Variants in GRIA3 observed in about 807,000 individuals in gnomAD.
GRIA3 encodes glutamate ionotropic receptor AMPA type subunit 3, also known as glutamate receptor 3.
Under a neutral mutation model 63.0 loss-of-function variants are expected in GRIA3, and 3 were observed. That is an observed-to-expected ratio of 0.05 (90% CI 0.02 to 0.12). The LOEUF is 0.12. Among genes scored for constraint, GRIA3 ranks in the 10% least tolerant of loss-of-function variants. GRIA3 has a pLI of 1.00. For missense variants in GRIA3, 347 were observed against 700.9 expected (o/e 0.50, Z 5.70); for synonymous variants, 274 against 257.9 (o/e 1.06, Z -0.60).
At chrX:123,185,508 A>AGGGGGGGGGGGGGGGGGGGGGG (rs3216834) in intron 1 of GRIA3, among the ~76,000 whole-genome samples, 1 of 40,964 alleles carries the variant, frequency 2.4e-5, no homozygotes, top group African/African-American at 7.2e-5. Context: ...CGGGGGGCGG[A>AGGGGGGGGGGGGGGGGGGGGGG]GGGGGGGGGC....
chrX:123,306,387 T>C (rs773290340), intron 3 of GRIA3, among the ~76,000 whole-genome samples: 1 of 111,915 alleles, frequency 8.9e-6, no homozygotes, highest in South Asian at 3.8e-4. Context: ...AATTAACATT[T>C]AGTGAGTACC....
chrX:123,194,923 G>C (rs1421713930), intron 2 of GRIA3, among the ~76,000 whole-genome samples: 2 of 112,572 alleles, frequency 1.8e-5, no homozygotes, highest in African/African-American at 6.5e-5. Context: ...GGAAATCTAA[G>C]ACTTGGAAGA....
At chrX:123,398,900 G>A in intron 7 of GRIA3, 97 bp downstream of exon 7, 1 of 661,987 alleles carries the variant, frequency 1.5e-6, no homozygotes, top group South Asian at 2.4e-5. Context: ...AAAAGGAATA[G>A]GACCAGATTA....
intron 3 of GRIA3, among the ~76,000 whole-genome samples, chrX:123,308,633 T>C (rs183398182): frequency 9.0e-6 from 1 of 111,585 alleles, no homozygotes; most frequent in East Asian, 2.8e-4. Flanking sequence ...TGAACCTTAG[T>C]GTAGAGTATT....
intron 3 of GRIA3, among the ~76,000 whole-genome samples, chrX:123,296,867 C>G (rs2044689452): frequency 9.0e-6 from 1 of 111,192 alleles, no homozygotes; most frequent in African/African-American, 3.3e-5. Flanking sequence ...TTAAATAAAG[C>G]CTTGTTAAAT....
intron 2 of GRIA3, among the ~76,000 whole-genome samples, chrX:123,252,009 G>A (rs753976607): frequency 2.7e-5 from 3 of 111,774 alleles, no homozygotes; most frequent in Non-Finnish European, 3.8e-5. Flanking sequence ...AATTAAATTG[G>A]TTTTCCACTT....
chrX:123,432,827 T>C (rs1018938131), intron 12 of GRIA3, among the ~76,000 whole-genome samples: 10 of 112,005 alleles, frequency 8.9e-5, no homozygotes, highest in Non-Finnish European at 1.5e-4. Flanking sequence ...GAAACTAAAC[T>C]TGCTGACTTA....
intron 2 of GRIA3, among the ~76,000 whole-genome samples, chrX:123,189,580 T>A (rs1428308205): frequency 8.9e-6 from 1 of 112,775 alleles, no homozygotes; most frequent in Non-Finnish European, 1.9e-5. Context: ...CGCACTGTCA[T>A]TGCAAAAATT....
intron 2 of GRIA3, among the ~76,000 whole-genome samples, chrX:123,186,721 A>AC (rs773220078): frequency 4.5e-5 from 5 of 111,254 alleles, no homozygotes; most frequent in African/African-American, 1.3e-4. Flanking sequence ...AGTGTTGTTC[A>AC]CCCCCATGAT....
In GRIA3 at chrX:123,294,264, C is replaced by A. The variant is rs746393229; in HGVS notation, c.509-31762C>A. Among the ~76,000 whole-genome samples the A allele has an allele frequency of 5.4e-5, 6 of 111,051 alleles. No homozygotes were observed. In the South Asian group the frequency reaches 2.3e-3, roughly 42 times the overall value. ...ATAGGTAGCAGAACTGAGAGGTAAA[C>A]TCCTGCAGTTTGACTTCACACTCTG... is the stretch of plus-strand genomic sequence containing the variant. On this transcript the variant is annotated intron_variant, in intron 3 of 15. Transcript: ENST00000620443.
At chrX:123,459,949 G>C (rs769720348) in intron 12 of GRIA3, among the ~76,000 whole-genome samples, 3 of 111,501 alleles carry the variant, frequency 2.7e-5, no homozygotes, top group Admixed American at 9.5e-5. Flanking sequence ...CTACTTATGA[G>C]TCATTTCTTT....
intron 3 of GRIA3, among the ~76,000 whole-genome samples, chrX:123,291,664 C>T (rs1159181688): frequency 9.0e-6 from 1 of 110,905 alleles, no homozygotes; most frequent in Non-Finnish European, 1.9e-5. Context: ...CTTCTCCATC[C>T]TTATCACCTG....
chrX:123,461,833 C>T (rs1437893371), intron 12 of GRIA3, among the ~76,000 whole-genome samples: 2 of 110,276 alleles, frequency 1.8e-5, no homozygotes, highest in East Asian at 5.7e-4. Context: ...GATGAGAGGA[C>T]AGATTTTAAA....
intron 3 of GRIA3, among the ~76,000 whole-genome samples, chrX:123,310,624 T>C (rs1019749019): frequency 8.8e-6 from 1 of 113,116 alleles, no homozygotes; most frequent in Admixed American, 9.3e-5. Context: ...CAGAAATCTT[T>C]AGAAATATAT....
intron 13 of GRIA3, among the ~76,000 whole-genome samples, chrX:123,469,543 C>T (rs1177838762): frequency 1.2e-4 from 14 of 112,120 alleles, no homozygotes. Context: ...AGGACCTAAA[C>T]AAAACAGACT....
intron 12 of GRIA3, among the ~76,000 whole-genome samples, chrX:123,450,748 T>TAA (rs2045725732): frequency 8.9e-6 from 1 of 112,490 alleles, no homozygotes; most frequent in African/African-American, 3.2e-5. Context: ...CTGTTGGTGT[T>TAA]AAGTGCAATG....
At chrX:123,346,987 T>C (rs901872023) in intron 4 of GRIA3, among the ~76,000 whole-genome samples, 3 of 112,466 alleles carry the variant, frequency 2.7e-5, no homozygotes, top group African/African-American at 9.7e-5. Flanking sequence ...CCCTGATTTG[T>C]AGTATTGTTC....
intron 2 of GRIA3, among the ~76,000 whole-genome samples, chrX:123,242,584 G>A (rs769235017): frequency 1.8e-5 from 2 of 112,762 alleles, no homozygotes; most frequent in African/African-American, 6.4e-5. Flanking sequence ...GAGACAGGCT[G>A]TAAAGAATGA....
At chrX:123,236,438 G>T (rs2044302356) in intron 2 of GRIA3, among the ~76,000 whole-genome samples, 1 of 111,239 alleles carries the variant, frequency 9.0e-6, no homozygotes, top group Non-Finnish European at 1.9e-5. Context: ...GTTGTGCACA[G>T]AAACAAAAAT....
Sources: allele counts gnomAD v4.1 joint callset (sites outside exome capture counted in the v4.1 genomes callset), GRCh38; gene constraint gnomAD v4.1.1; transcripts MANE v1.5; gene names NCBI Gene and HGNC (gene_info 2026-07-23, HGNC 2026-07-21).